Variants in NEK7 observed in about 807,000 individuals in gnomAD.
NEK7 encodes the protein NIMA related kinase 7.
A neutral mutation model predicts 44.6 loss-of-function variants in NEK7; 18 were observed. The ratio of observed to expected loss-of-function variants is 0.40; its 90% CI spans 0.28 to 0.60. The LOEUF is 0.60. NEK7 is among the 20% of genes least tolerant of loss of function. NEK7 has a pLI of 0.38. For synonymous variants in NEK7, 130 were observed against 121.1 expected (o/e 1.07, Z -0.48); for missense variants, 256 against 366.5 (o/e 0.70, Z 2.46).
rs61831673 is a variant in NEK7 at position 198,310,643 on chromosome 1, T to C, written c.799-8769T>C. 4.3e-3 allele frequency among the ~76,000 whole-genome samples: 658 copies of C among 152,192 alleles called. 4 individuals carry two copies. Among genetic ancestry groups the C allele is most frequent in the Admixed American group, 8.3e-3 (127 of 15,294 alleles). ...TATAAGGTGTAAGGAAGGGATCCAGTTTCAGCTTTCTACATACGGCTAGTC... is the reference window on the plus strand; with the variant it reads ...TATAAGGTGTAAGGAAGGGATCCAGCTTCAGCTTTCTACATACGGCTAGTC... On this transcript the variant is annotated intron_variant, in intron 9 of 9. Coordinates refer to ENST00000367385, the MANE Select transcript of NEK7 (RefSeq NM_133494.3).
In NEK7 at chr1:198,277,976, A is replaced by G. The variant is rs1654069242; in HGVS notation, c.388A>G (p.Lys130Glu). 1 of 1,600,490 alleles carries G rather than the reference A, an allele frequency of 6.2e-7. No individual in the cohort carries two copies. The highest frequency in any genetic ancestry group is 1.7e-5 in the Admixed American group (1 of 59,708). ...TTTCAAAAAGCATTTTAAGAAGCAAAAGAGGCTAATTCCTGAAAGAACTGT... is the reference window on the plus strand; with the variant it reads ...TTTCAAAAAGCATTTTAAGAAGCAAGAGAGGCTAATTCCTGAAAGAACTGT... The part of the protein sequence containing the change: ...SRMIKHFKKQ[K>E]RLIPERTVWK... Residue 130 changes from lysine to glutamate, a missense_variant, in exon 6 of 10, where the codon AAG (lysine) becomes GAG (glutamate). Lys to Glu is a moderately conservative substitution (Grantham distance 56). Transcript: ENST00000367385.
In NEK7 at chr1:198,178,686, T is replaced by G. The variant is rs79135215; in HGVS notation, c.-29+21410T>G. 9.5e-3 allele frequency among the ~76,000 whole-genome samples: 1,445 copies of G among 151,768 alleles called. 26 individuals carry two copies. The highest frequency in any genetic ancestry group is 0.014 in the Non-Finnish European group (933 of 67,836). On this transcript the variant is annotated intron_variant, in intron 1 of 9. Transcript: ENST00000367385. Reference sequence around the variant, plus strand: ...TTCATGGACCCTCTCCCTGCCATTTTTTGTTGTTGTTGTTGTTGTTGTTGT... The same window carrying G: ...TTCATGGACCCTCTCCCTGCCATTTGTTGTTGTTGTTGTTGTTGTTGTTGT...
chr1:198,310,688 A>G (rs975344071), intron 9 of NEK7, among the ~76,000 whole-genome samples: 15 of 152,114 alleles, frequency 9.9e-5, no homozygotes, highest in Non-Finnish European at 1.5e-4. Flanking sequence ...AACACCATTT[A>G]TTAAATAGGG....
intron 3 of NEK7, among the ~76,000 whole-genome samples, chr1:198,253,572 G>A (rs1653153818): frequency 1.3e-5 from 2 of 152,060 alleles, no homozygotes; most frequent in African/African-American, 2.4e-5. Context: ...GTAAATGGCA[G>A]TTAAACTATA....
intron 1 of NEK7, among the ~76,000 whole-genome samples, chr1:198,175,029 A>G (rs1277617372): frequency 6.6e-6 from 1 of 152,184 alleles, no homozygotes; most frequent in Non-Finnish European, 1.5e-5. Context: ...AAGTTCTAGG[A>G]TTACAGGCAT....
intron 9 of NEK7, among the ~76,000 whole-genome samples, chr1:198,317,481 C>T (rs937624343): frequency 6.6e-6 from 1 of 152,164 alleles, no homozygotes; most frequent in Non-Finnish European, 1.5e-5. Flanking sequence ...TTCAACTAAA[C>T]GTGCATCATT....
chr1:198,253,814 C>A (rs1224030217), intron 3 of NEK7, among the ~76,000 whole-genome samples: 1 of 152,112 alleles, frequency 6.6e-6, no homozygotes, highest in East Asian at 1.9e-4. Context: ...TGCAGTCCAA[C>A]TGAGCTACCC....
chr1:198,309,976 G>A lies in NEK7; in HGVS notation c.799-9436G>A, dbSNP rs537878909. Among the ~76,000 whole-genome samples the A allele has an allele frequency of 2.8e-3, 433 of 151,952 alleles. 2 individuals are homozygous for A. Among genetic ancestry groups the A allele is most frequent in the African/African-American group, 1.0e-2 (413 of 41,438 alleles). ...ATATACCCAGTAATGGGATGGCTGG[G>A]TCAAATGGTATTTCTAGTTCTAGAT... is the stretch of plus-strand genomic sequence containing the variant. On this transcript the variant is annotated intron_variant, in intron 9 of 9. Transcript: ENST00000367385.
intron 9 of NEK7, among the ~76,000 whole-genome samples, chr1:198,298,891 T>C (rs539027713): frequency 1.3e-5 from 2 of 152,322 alleles, no homozygotes; most frequent in Non-Finnish European, 2.9e-5. Context: ...ATGATACCAC[T>C]AGTGGTTCGT....
chr1:198,276,745 T>A (rs1384173824), intron 5 of NEK7, among the ~76,000 whole-genome samples: 1 of 151,802 alleles, frequency 6.6e-6, no homozygotes, highest in East Asian at 1.9e-4. Context: ...TTATTAGCTT[T>A]TCCTTAAAGA....
intron 1 of NEK7, among the ~76,000 whole-genome samples, chr1:198,216,135 T>C (rs557688178): frequency 3.9e-5 from 6 of 152,234 alleles, no homozygotes; most frequent in Admixed American, 2.0e-4. Flanking sequence ...ATTTTTCTCA[T>C]CAGCACAAGG....
At position 198,320,687 on chromosome 1, in the gene NEK7, G is replaced by GAACACACA. The variant is rs879807079; in HGVS notation, c.*1165_*1166insAACACACA. The GAACACACA allele has an allele frequency of 7.4e-4, 113 of 152,116 alleles. No homozygotes were observed. The highest frequency in any genetic ancestry group is 1.4e-3 in the Non-Finnish European group (97 of 67,992). 9.4% of individuals were successfully genotyped at this position (152,116 alleles called of 1,614,324 possible). ...CTTGTTAAAGAGGAAGAAAGGATGT[G>GAACACACA]TGTTATACTGTACCTGTGAATGTTG... On this transcript the variant is annotated 3_prime_UTR_variant, in exon 10 of 10. Transcript: ENST00000367385.
intron 5 of NEK7, among the ~76,000 whole-genome samples, chr1:198,264,927 TTTA>T (rs1385587463): frequency 6.6e-6 from 1 of 152,050 alleles, no homozygotes; most frequent in Admixed American, 6.6e-5. Flanking sequence ...TTAATTAGTA[TTTA>T]TTAAGAGCTT....
intron 9 of NEK7, among the ~76,000 whole-genome samples, chr1:198,309,956 C>A (rs1655125641): frequency 6.6e-6 from 1 of 151,980 alleles, no homozygotes; most frequent in Admixed American, 6.6e-5. Flanking sequence ...TGGGTATATA[C>A]CCAGTAATGG....
At chr1:198,272,284 T>C (rs1481323291) in intron 5 of NEK7, among the ~76,000 whole-genome samples, 1 of 151,852 alleles carries the variant, frequency 6.6e-6, no homozygotes, top group Non-Finnish European at 1.5e-5. Flanking sequence ...AGCTTATTGC[T>C]CCTTACATTT....
At chr1:198,286,920 T>A (rs1654387272) in intron 7 of NEK7, among the ~76,000 whole-genome samples, 1 of 152,096 alleles carries the variant, frequency 6.6e-6, no homozygotes, top group Non-Finnish European at 1.5e-5. Context: ...ACTTTGAATC[T>A]CCCCTGCCCC....
At chr1:198,303,254 A>C (rs1654938846) in intron 9 of NEK7, among the ~76,000 whole-genome samples, 1 of 152,194 alleles carries the variant, frequency 6.6e-6, no homozygotes, top group Non-Finnish European at 1.5e-5. Flanking sequence ...AAAAAAAGTT[A>C]CAGTTTGTCA....
chr1:198,197,387 T>C (rs1665272947), intron 1 of NEK7, among the ~76,000 whole-genome samples: 1 of 152,082 alleles, frequency 6.6e-6, no homozygotes, highest in African/African-American at 2.4e-5. Context: ...ATAAAGCACT[T>C]TTCTTTGAAA....
At chr1:198,187,464 C>T (rs1169168073) in intron 1 of NEK7, among the ~76,000 whole-genome samples, 1 of 152,148 alleles carries the variant, frequency 6.6e-6, no homozygotes, top group Non-Finnish European at 1.5e-5. Flanking sequence ...ATGCAAACAG[C>T]AGGAGAATTC....
Sources: allele counts gnomAD v4.1 joint callset (sites outside exome capture counted in the v4.1 genomes callset), GRCh38; gene constraint gnomAD v4.1.1; transcripts MANE v1.5; gene names NCBI Gene and HGNC (gene_info 2026-07-23, HGNC 2026-07-21).